The following PDE4B variants were observed in gnomAD, a reference collection of about 807,000 sequenced individuals.
The protein encoded by PDE4B is 3',5'-cyclic-AMP phosphodiesterase 4B.
Under a neutral mutation model 82.2 loss-of-function variants are expected in PDE4B, and 20 were observed. That is an observed-to-expected ratio of 0.24 (90% confidence interval 0.17 to 0.35). PDE4B has a LOEUF of 0.35. PDE4B is among the 10% of genes least tolerant of loss of function. PDE4B has a pLI of 1.00. For synonymous variants in PDE4B, 320 were observed against 318.9 expected (o/e 1.00, Z -0.04); for missense variants, 655 against 907.2 (o/e 0.72, Z 3.57).
At chr1:66,001,569 T>C (rs181186660) in intron 3 of PDE4B, among the ~76,000 whole-genome samples, 1 of 152,164 alleles carries the variant, frequency 6.6e-6, no homozygotes, top group East Asian at 1.9e-4. Context: ...GGATCAAAAT[T>C]TGGATTTCCA....
chr1:65,855,807 C>T (rs1646385836), intron 1 of PDE4B, among the ~76,000 whole-genome samples: 1 of 152,062 alleles, frequency 6.6e-6, no homozygotes, highest in Admixed American at 6.6e-5. Flanking sequence ...CTGTGTTCTG[C>T]TTGGGATCTA....
In PDE4B at chr1:65,974,704, T is replaced by C. The variant is rs116439185; in HGVS notation, c.281+55869T>C. Among the ~76,000 whole-genome samples the C allele has an allele frequency of 4.0e-3, 613 of 152,278 alleles. 2 individuals carry two copies. Among genetic ancestry groups the C allele is most frequent in the Non-Finnish European group, 7.6e-3 (514 of 68,024 alleles). On this transcript the variant is annotated intron_variant, in intron 3 of 16. Transcript: ENST00000341517. ...ATAGTGGGTGAACTCTCACAAGATC[T>C]GATGGTTTAAAGTGTGTGGCACTTC...
At chr1:65,969,015 T>C (rs759685159) in intron 3 of PDE4B, among the ~76,000 whole-genome samples, 1 of 152,136 alleles carries the variant, frequency 6.6e-6, no homozygotes, top group African/African-American at 2.4e-5. Context: ...TTGTAGAAAA[T>C]AGAATGTAAC....
At chr1:66,129,688 A>C (rs978610195) in intron 3 of PDE4B, among the ~76,000 whole-genome samples, 2 of 52,288 alleles carry the variant, frequency 3.8e-5, no homozygotes, top group African/African-American at 8.0e-5. Context: ...AAACAAAAAA[A>C]CAAAAAAACA....
intron 3 of PDE4B, among the ~76,000 whole-genome samples, chr1:65,994,283 AT>A (rs1651411679): frequency 6.6e-6 from 1 of 152,204 alleles, no homozygotes; most frequent in African/African-American, 2.4e-5. Flanking sequence ...CTAGAAATAT[AT>A]AGCTTGCCTT....
At chr1:65,867,279 A>T (rs1646523154) in intron 1 of PDE4B, among the ~76,000 whole-genome samples, 1 of 152,216 alleles carries the variant, frequency 6.6e-6, no homozygotes, top group Admixed American at 6.5e-5. Flanking sequence ...GTGTTTTCAT[A>T]GTTCAAAGAA....
chr1:66,006,598 A>G (rs1652164230), intron 3 of PDE4B, among the ~76,000 whole-genome samples: 1 of 152,032 alleles, frequency 6.6e-6, no homozygotes, highest in Non-Finnish European at 1.5e-5. Flanking sequence ...TCTCCACCCA[A>G]ATCTCATCTT....
chr1:66,096,545 G>T (rs1645125038), intron 3 of PDE4B, among the ~76,000 whole-genome samples: 2 of 38,762 alleles, frequency 5.2e-5, no homozygotes, highest in African/African-American at 7.0e-5. Context: ...TATATATACT[G>T]CATTTCAAAG....
intron 3 of PDE4B, among the ~76,000 whole-genome samples, chr1:65,953,906 A>G (rs1357348406): frequency 6.6e-6 from 1 of 151,930 alleles, no homozygotes; most frequent in African/African-American, 2.4e-5. Context: ...TATTATTATT[A>G]TTTTCTGTTT....
intron 3 of PDE4B, among the ~76,000 whole-genome samples, chr1:66,080,748 CT>C (rs1656680760): frequency 6.6e-6 from 1 of 151,970 alleles, no homozygotes; most frequent in South Asian, 2.1e-4. Flanking sequence ...TTTTTCTTTT[CT>C]TCTTTGTTAA....
rs188155328 is a variant in PDE4B, at chr1:66,192,354, C to T, written c.282-55106C>T. ...ATCATAATCCCCTGTTGTCTTTTCA[C>T]TTAGAATTTAGACTCAACCGAACTG... On this transcript the variant is annotated intron_variant, in intron 3 of 16. Coordinates refer to ENST00000341517, the MANE Select transcript of PDE4B (RefSeq NM_002600.4). Among the ~76,000 whole-genome samples the T allele has an allele frequency of 1.4e-3, 206 of 152,250 alleles. 6 individuals are homozygous for T. Among genetic ancestry groups the T allele is most frequent in the East Asian group, 3.9e-4 (2 of 5,180 alleles).
chr1:65,799,407 T>A (rs1017824126), intron 1 of PDE4B, among the ~76,000 whole-genome samples: 1 of 152,206 alleles, frequency 6.6e-6, no homozygotes, highest in African/African-American at 2.4e-5. Flanking sequence ...CAAGAAAAAC[T>A]ACTTCAATAA....
chr1:65,958,881 T>C (rs556056780), intron 3 of PDE4B, among the ~76,000 whole-genome samples: 35 of 152,344 alleles, frequency 2.3e-4, no homozygotes, highest in African/African-American at 7.9e-4. Context: ...ATGACTTATA[T>C]AGTTATATTT....
intron 1 of PDE4B, among the ~76,000 whole-genome samples, chr1:65,800,642 C>G (rs996718099): frequency 6.6e-6 from 1 of 152,012 alleles, no homozygotes; most frequent in Admixed American, 6.6e-5. Flanking sequence ...GGATATTGTT[C>G]GACAAAACAT....
In PDE4B at chr1:65,798,088, G is replaced by A. The variant is rs563911842; in HGVS notation, c.-71+4840G>A. Among the ~76,000 whole-genome samples the A allele has an allele frequency of 8.2e-4, 125 of 151,990 alleles. 1 individual carries two copies. The highest frequency in any genetic ancestry group is 3.0e-3 in the African/African-American group (123 of 41,486). On this transcript the variant is annotated intron_variant, in intron 1 of 16. Coordinates refer to ENST00000341517, the MANE Select transcript of PDE4B (RefSeq NM_002600.4). ...GGCTGGAGTGCAGTGGTGCATCTCG[G>A]CTCACTCCAACCTCTGCCTCTCGGG...
intron 3 of PDE4B, among the ~76,000 whole-genome samples, chr1:66,038,491 C>T (rs528126580): frequency 1.1e-3 from 174 of 151,696 alleles, no homozygotes; most frequent in African/African-American, 4.0e-3. Context: ...GATTGGCAAC[C>T]CTCGGCATTC....
chr1:66,194,634 G>A (rs72679131), intron 3 of PDE4B, among the ~76,000 whole-genome samples: 3,327 of 152,102 alleles, frequency 0.022, 61 homozygotes, highest in Non-Finnish European at 0.034. Context: ...CTCCAATTTC[G>A]TACTCCATGT....
intron 7 of PDE4B, among the ~76,000 whole-genome samples, chr1:66,331,038 A>C (rs1011557129): frequency 2.0e-5 from 3 of 152,200 alleles, no homozygotes; most frequent in Non-Finnish European, 2.9e-5. Flanking sequence ...AAACAAAGCA[A>C]CTATTCTTTG....
At chr1:66,081,828 CTCTCTGTGTGTGTG>C (rs1056673611) in intron 3 of PDE4B, among the ~76,000 whole-genome samples, 41 of 113,166 alleles carry the variant, frequency 3.6e-4, no homozygotes, top group African/African-American at 1.2e-3. Flanking sequence ...CTCTCTCTCT[CTCTCTGTGTGTGTG>C]TGTGTGTGTG....
Sources: allele counts gnomAD v4.1 joint callset (sites outside exome capture counted in the v4.1 genomes callset), GRCh38; gene constraint gnomAD v4.1.1; transcripts MANE v1.5; gene names NCBI Gene and HGNC (gene_info 2026-07-23, HGNC 2026-07-21).